HMOX1: variants seen among roughly 807,000 people sequenced by gnomAD.
HMOX1 encodes heat shock protein, 32-kD.
A neutral mutation model predicts 27.8 loss-of-function variants in HMOX1; 22 were observed. The observed-to-expected ratio is 0.79, with a 90% confidence interval of 0.57 to 1.13. The LOEUF (loss-of-function observed/expected upper bound fraction) is 1.13, where lower values mean the gene tolerates loss of function less well. HMOX1 is among the 50% of genes most tolerant of loss of function. HMOX1 has a pLI of 0.00. For missense variants in HMOX1, 379 were observed against 377.7 expected (o/e 1.00, Z -0.03); for synonymous variants, 153 against 151.6 (o/e 1.01, Z -0.07).
chr22:35,389,250 T>TTTCTTTCTTTTCTCTCTCTCTCTCTCTC (rs1555901550), intron 3 of HMOX1, among the ~76,000 whole-genome samples: 1 of 107,788 alleles, frequency 9.3e-6, no homozygotes, highest in African/African-American at 4.9e-5. Flanking sequence ...TTTCTTTCTT[T>TTTCTTTCTTTTCTCTCTCTCTCTCTCTC]TCTCTCTCTC....
intron 3 of HMOX1, among the ~76,000 whole-genome samples, chr22:35,389,280 TC>T (rs1931608305): frequency 1.7e-5 from 2 of 118,142 alleles, no homozygotes; most frequent in Non-Finnish European, 3.3e-5. Context: ...CTCTCCTCTC[TC>T]TCTCTCTCTT....
At chr22:35,386,623 G>C in intron 2 of HMOX1, 62 bp from the exon 3 acceptor site, 1 of 1,610,914 alleles carries the variant, frequency 6.2e-7, no homozygotes, top group Non-Finnish European at 8.5e-7. Context: ...TAGTGGACGG[G>C]ACGGACAGAG....
rs767567583 is a variant in HMOX1, at chr22:35,393,517, C to T, written c.786C>T (p.Arg262=). The T allele has an allele frequency of 6.2e-7, 1 of 1,614,244 alleles. No individual in the cohort carries two copies. The highest frequency in any genetic ancestry group is 8.5e-7 in the Non-Finnish European group (1 of 1,180,038). Reference sequence around the variant, plus strand: ...GAGGGAAGCCCCCACTCAACACCCGCTCCCAGGCTCCGCTTCTCCGATGGG... The same window carrying T: ...GAGGGAAGCCCCCACTCAACACCCGTTCCCAGGCTCCGCTTCTCCGATGGG... ...TPRGKPPLNT[R]SQAPLLRWVL... Residue 262 remains arginine, a synonymous_variant, in exon 5 of 5, where the codon CGC becomes CGT. Transcript: ENST00000216117.
intron 1 of HMOX1, 23 bp downstream of exon 1, chr22:35,381,219 G>T: frequency 6.5e-7 from 1 of 1,545,092 alleles, no homozygotes. Context: ...CGCGGGACGC[G>T]GGACGGGCGC....
intron 4 of HMOX1, among the ~76,000 whole-genome samples, chr22:35,393,224 G>A (rs17884230): frequency 8.9e-4 from 135 of 152,300 alleles, no homozygotes; most frequent in African/African-American, 3.2e-3. Flanking sequence ...GCCCAAGAAT[G>A]TTTTCACAAT....
chr22:35,393,850 TCA>T lies in HMOX1; in HGVS notation c.*253_*254del. 1 of 487,126 alleles carries T rather than the reference TCA, an allele frequency of 2.1e-6. No homozygotes were observed. Among genetic ancestry groups the T allele is most frequent in the East Asian group, 4.1e-5 (1 of 24,400 alleles). The allele number at this position is 487,126 out of a possible 1,614,324, so 30.2% of individuals were successfully genotyped here. A position where few individuals can be genotyped will look rare whatever the true frequency, so the allele number is the denominator to read the frequency against. On this transcript the variant is annotated 3_prime_UTR_variant, in exon 5 of 5. Coordinates refer to ENST00000216117, the MANE Select transcript of HMOX1 (RefSeq NM_002133.3). ...GGATCAGCCCTGCCCTTCAGCATCC[TCA>T]GTTCCTGCAGCAGAGCCTGGAAGAC...
intron 1 of HMOX1, among the ~76,000 whole-genome samples, chr22:35,382,535 G>A (rs56264218): frequency 0.055 from 5,488 of 100,002 alleles, 109 homozygotes; most frequent in Middle Eastern, 0.12. Flanking sequence ...TTTTTTTTTT[G>A]TATTTTTAGT....
Position 35,389,268 on chromosome 22 carries a change from CTCTCTCCT to C in HMOX1, c.637-595_637-588del, listed in dbSNP as rs1476650043. 7.3e-5 allele frequency among the ~76,000 whole-genome samples: 9 copies of C among 123,352 alleles called. No homozygotes were observed. The South Asian group carries it at 2.0e-3, about 28-fold the overall frequency. The allele number at this position is 123,352 out of a possible 152,430, so 80.9% of individuals were successfully genotyped here. ...CTTTCTTTTCTCTCTCTCTCTCTCT[CTCTCTCCT>C]CTCTCTCTCTCTCTTCTTTCTTCTT... On this transcript the variant is annotated intron_variant, in intron 3 of 4. Transcript: ENST00000216117.
chr22:35,390,090 C>T, intron 4 of HMOX1, 127 bp downstream of exon 4: 1 of 739,844 alleles, frequency 1.4e-6, no homozygotes, highest in East Asian at 2.7e-5. Flanking sequence ...TTCCTGCTGC[C>T]CCACCCCACT....
chr22:35,384,539 G>A (rs74320374), intron 2 of HMOX1, among the ~76,000 whole-genome samples: 1 of 151,948 alleles, frequency 6.6e-6, no homozygotes, highest in African/African-American at 2.4e-5. Flanking sequence ...GGTGCAGGGA[G>A]GTGAATGCTG....
chr22:35,388,802 C>CAAA (rs752948668), intron 3 of HMOX1, among the ~76,000 whole-genome samples: 4 of 138,952 alleles, frequency 2.9e-5, no homozygotes, highest in African/African-American at 3.0e-5. Context: ...GTATTAAAAA[C>CAAA]AAAAAACAAA....
rs189786213 is a variant in HMOX1, at chr22:35,385,363, C to T, written c.145-1322C>T. On this transcript the variant is annotated intron_variant, in intron 2 of 4. Transcript: ENST00000216117. ...TCATTTCTTACTAGCTGTGCAACCT[C>T]CATGTCTCATACCCTCTCTGAGCCT... is the stretch of plus-strand genomic sequence containing the variant. 2.1e-3 allele frequency among the ~76,000 whole-genome samples: 313 copies of T among 152,202 alleles called. 1 individual carries two copies. The highest frequency in any genetic ancestry group is 0.01 in the South Asian group (50 of 4,822).
intron 4 of HMOX1, among the ~76,000 whole-genome samples, chr22:35,390,700 C>T (rs895424726): frequency 1.3e-5 from 2 of 152,142 alleles, no homozygotes; most frequent in African/African-American, 4.8e-5. Flanking sequence ...TGCACAAGAA[C>T]CCCTCAGAAA....
chr22:35,390,078 G>A (rs1278522056), intron 4 of HMOX1, 115 bp downstream of exon 4: 1 of 789,874 alleles, frequency 1.3e-6, no homozygotes, highest in Non-Finnish European at 2.1e-6. Context: ...GGTGGGTGTT[G>A]TTTCCTGCTG....
At chr22:35,381,738 C>T (rs1318736275) in intron 1 of HMOX1, among the ~76,000 whole-genome samples, 1 of 152,020 alleles carries the variant, frequency 6.6e-6, no homozygotes, top group African/African-American at 2.4e-5. Flanking sequence ...ACCTCCAGGT[C>T]TCACTCATTC....
chr22:35,384,458 C>G (rs1245390677), intron 2 of HMOX1, among the ~76,000 whole-genome samples: 1 of 152,006 alleles, frequency 6.6e-6, no homozygotes, highest in Non-Finnish European at 1.5e-5. Context: ...AATGGGTCTT[C>G]CTCATCCTCC....
intron 2 of HMOX1, among the ~76,000 whole-genome samples, chr22:35,383,832 C>G (rs745403579): frequency 6.6e-6 from 1 of 152,208 alleles, no homozygotes; most frequent in Non-Finnish European, 1.5e-5. Context: ...TAAGCACCCA[C>G]TATATGCCAG....
chr22:35,384,192 C>T (rs9610291), intron 2 of HMOX1, among the ~76,000 whole-genome samples: 3,187 of 152,220 alleles, frequency 0.021, 48 homozygotes, highest in Non-Finnish European at 0.032. Flanking sequence ...AGCGATTCTC[C>T]TGCCTCAGCC....
intron 3 of HMOX1, among the ~76,000 whole-genome samples, chr22:35,389,006 C>T (rs1931580964): frequency 6.6e-6 from 1 of 152,102 alleles, no homozygotes; most frequent in African/African-American, 2.4e-5. Flanking sequence ...TAGGATACCA[C>T]TTAATATTAT....
Sources: allele counts gnomAD v4.1 joint callset (sites outside exome capture counted in the v4.1 genomes callset), GRCh38; gene constraint gnomAD v4.1.1; transcripts MANE v1.5; gene names NCBI Gene and HGNC (gene_info 2026-07-23, HGNC 2026-07-21).